Variants in HDAC9 observed in about 807,000 individuals in gnomAD.
The protein encoded by HDAC9 is MEF-2 interacting transcription repressor (MITR) protein.
Under a neutral mutation model 139.4 loss-of-function variants are expected in HDAC9, and 41 were observed. The ratio of observed to expected loss-of-function variants is 0.29; its 90% confidence interval spans 0.23 to 0.38. HDAC9 has a LOEUF of 0.38. Among genes scored for constraint, HDAC9 ranks in the 10% least tolerant of loss-of-function variants. The probability of loss-of-function intolerance (pLI) is 1.00; values close to 1 mark genes in which losing one functional copy is unlikely to be tolerated. For missense variants in HDAC9, 1,147 were observed against 1,297.0 expected (o/e 0.88, Z 1.78); for synonymous variants, 517 against 476.2 (o/e 1.09, Z -1.12).
chr7:18,590,464 A>T lies in HDAC9; in HGVS notation c.393A>T (p.Arg131Ser), dbSNP rs1830636191. The change falls in exon 4 of 26, where the codon AGA becomes AGT. Residue 131 changes from arginine to serine, a missense_variant. This residue lies in a region of HDAC9 where 136 missense variants were observed against 183.5 expected (regional missense o/e 0.74). Transcript: ENST00000686413. ...HRREQQLPPL[R>S]GKDRGRERAV... is the part of the protein sequence containing the mutation. ...GAGAACAGCAGCTTCCTCCTCTCAG[A>T]GGCAAAGATAGAGGACGAGAAAGTA... The T allele has an allele frequency of 6.2e-7, 1 of 1,601,192 alleles. No individual in the cohort carries two copies. Among genetic ancestry groups the T allele is most frequent in the Non-Finnish European group, 8.5e-7 (1 of 1,173,658 alleles).
chr7:18,896,632 A>G (rs147297718), intron 22 of HDAC9, among the ~76,000 whole-genome samples: 3 of 152,232 alleles, frequency 2.0e-5, no homozygotes, highest in African/African-American at 7.2e-5. Flanking sequence ...TCCCTCATGA[A>G]TAACACAAAG....
intron 1 of HDAC9, among the ~76,000 whole-genome samples, chr7:18,160,359 A>G (rs894099214): frequency 2.0e-5 from 3 of 152,238 alleles, no homozygotes; most frequent in Non-Finnish European, 2.9e-5. Context: ...AGTAAGAATG[A>G]CTAAATCTTG....
intron 1 of HDAC9, among the ~76,000 whole-genome samples, chr7:18,310,343 C>T (rs1464868464): frequency 6.6e-6 from 1 of 152,098 alleles, no homozygotes; most frequent in Non-Finnish European, 1.5e-5. Flanking sequence ...TATACCATGG[C>T]CCAGAAAATC....
chr7:18,325,938 T>C (rs1585186208), intron 1 of HDAC9, among the ~76,000 whole-genome samples: 2 of 152,120 alleles, frequency 1.3e-5, no homozygotes, highest in African/African-American at 4.8e-5. Context: ...AAGTGCACTC[T>C]GTGATGTCCA....
chr7:18,303,364 G>T (rs553392058), intron 1 of HDAC9, among the ~76,000 whole-genome samples: 1 of 140,372 alleles, frequency 7.1e-6, no homozygotes, highest in African/African-American at 2.5e-5. Context: ...CCACCGCCAC[G>T]CCCAGCCAAT....
At chr7:18,099,891 C>T (rs907517675) in intron 1 of HDAC9, among the ~76,000 whole-genome samples, 1 of 152,132 alleles carries the variant, frequency 6.6e-6, no homozygotes, top group Non-Finnish European at 1.5e-5. Flanking sequence ...AAACAGAAAT[C>T]TTTTGTATTT....
chr7:18,171,078 G>A (rs1386438156), intron 2 of HDAC9, among the ~76,000 whole-genome samples: 2 of 152,194 alleles, frequency 1.3e-5, no homozygotes, highest in Non-Finnish European at 1.5e-5. Context: ...CTATCCATGA[G>A]CATGGAATAT....
At chr7:18,185,636 T>C (rs1789849314) in intron 2 of HDAC9, among the ~76,000 whole-genome samples, 2 of 152,210 alleles carry the variant, frequency 1.3e-5, no homozygotes, top group African/African-American at 4.8e-5. Context: ...TTTTTCTCTT[T>C]GTATTTAAAC....
chr7:18,328,138 T>C (rs1343423484), intron 1 of HDAC9, among the ~76,000 whole-genome samples: 1 of 152,004 alleles, frequency 6.6e-6, no homozygotes, highest in Non-Finnish European at 1.5e-5. Flanking sequence ...CATGAGTATT[T>C]TTCTCTTTGA....
At chr7:18,107,389 T>G (rs1783294417) in intron 1 of HDAC9, among the ~76,000 whole-genome samples, 1 of 152,218 alleles carries the variant, frequency 6.6e-6, no homozygotes, top group Non-Finnish European at 1.5e-5. Flanking sequence ...TGTGGTCAAA[T>G]GTAGGCATGT....
chr7:18,585,612 A>C (rs1829240962), intron 3 of HDAC9, 90 bp downstream of exon 3: 3 of 1,436,080 alleles, frequency 2.1e-6, no homozygotes, highest in Admixed American at 3.9e-5. Context: ...TTGCGGGTAG[A>C]TTCACTGTGA....
intron 2 of HDAC9, among the ~76,000 whole-genome samples, chr7:18,568,415 T>C (rs1823175919): frequency 6.6e-6 from 1 of 152,188 alleles, no homozygotes. Context: ...GGGATAATAG[T>C]AAAGCTGTGT....
At chr7:18,169,734 G>T (rs1788277384) in intron 2 of HDAC9, among the ~76,000 whole-genome samples, 1 of 152,046 alleles carries the variant, frequency 6.6e-6, no homozygotes, top group Non-Finnish European at 1.5e-5. Flanking sequence ...CCTTGTGATA[G>T]TTTGCTGAGA....
At chr7:18,665,713 C>T (rs987239086) in intron 11 of HDAC9, among the ~76,000 whole-genome samples, 26 of 151,992 alleles carry the variant, frequency 1.7e-4, no homozygotes, top group African/African-American at 6.0e-4. Flanking sequence ...ATTTGACTGT[C>T]GTTTCTCTGT....
intron 2 of HDAC9, among the ~76,000 whole-genome samples, chr7:18,274,810 A>C (rs1796611097): frequency 6.6e-6 from 1 of 152,222 alleles, no homozygotes; most frequent in Non-Finnish European, 1.5e-5. Context: ...TATGCATAAC[A>C]CTGCTATATA....
At chr7:18,749,247 C>G in intron 14 of HDAC9, 109 bp downstream of exon 14, 2 of 1,123,476 alleles carry the variant, frequency 1.8e-6, no homozygotes, top group Non-Finnish European at 2.6e-6. Context: ...GTGCAAACAC[C>G]ATGATTGATG....
intron 6 of HDAC9, among the ~76,000 whole-genome samples, chr7:18,628,190 A>G (rs1006795289): frequency 3.9e-5 from 6 of 152,192 alleles, no homozygotes; most frequent in Non-Finnish European, 7.3e-5. Flanking sequence ...TACATAAGGA[A>G]AGCTGGAAGA....
chr7:18,273,692 A>G (rs938939074), intron 2 of HDAC9, among the ~76,000 whole-genome samples: 8 of 152,198 alleles, frequency 5.3e-5, no homozygotes, highest in African/African-American at 1.9e-4. Context: ...AAAGGAAGGG[A>G]TTATAATTAT....
At position 18,439,298 on chromosome 7, in the gene HDAC9, C is replaced by G. The variant is rs532517697; in HGVS notation, c.-41-56964C>G. Among the ~76,000 whole-genome samples the G allele has an allele frequency of 2.0e-5, 3 of 152,216 alleles. No individual in the cohort carries two copies. The East Asian group carries it at 5.8e-4, about 29-fold the overall frequency. ...ATCTCTTTTCTCATTGTCTCTAATT[C>G]TAAAAACGGTTTTCTATAAATACTG... On this transcript the variant is annotated intron_variant, in intron 1 of 3. Coordinates refer to the HDAC9 transcript ENST00000413509.
Sources: gnomAD v4.1 joint callset for allele counts (sites outside exome capture counted in the v4.1 genomes callset) on GRCh38, gnomAD v4.1.1 for gene constraint, gnomAD v4.1.1 regional missense constraint, MANE v1.5 for transcripts, NCBI Gene and HGNC (gene_info 2026-07-23, HGNC 2026-07-21) for gene names.